FAM120C: variants seen among roughly 807,000 people sequenced by gnomAD.
FAM120C encodes the protein family with sequence similarity 120 member C.
Under a neutral mutation model 71.2 loss-of-function variants are expected in FAM120C, and 14 were observed. The ratio of observed to expected loss-of-function variants is 0.20; its 90% confidence interval spans 0.13 to 0.31. The LOEUF (loss-of-function observed/expected upper bound fraction) is 0.31. FAM120C is among the 10% of genes least tolerant of loss of function. FAM120C has a pLI of 1.00. For synonymous variants in FAM120C, 354 were observed against 353.2 expected, an observed-to-expected ratio of 1.00 and a Z score of -0.03; for missense variants, 500 against 879.0, an observed-to-expected ratio of 0.57 and a Z score of 5.45.
intron 4 of FAM120C, among the ~76,000 whole-genome samples, chrX:54,138,400 T>G (rs1226265866): frequency 9.8e-6 from 1 of 102,183 alleles, no homozygotes; most frequent in Non-Finnish European, 2.0e-5. Flanking sequence ...CTTGGGAGGC[T>G]GAGGTGGGAG....
At chrX:54,092,995 C>T (rs1264439337) in intron 10 of FAM120C, among the ~76,000 whole-genome samples, 1 of 111,895 alleles carries the variant, frequency 8.9e-6, no homozygotes, top group Non-Finnish European at 1.9e-5. Context: ...TGACTTAATA[C>T]ACAGAAAACA....
In FAM120C at chrX:54,116,814, G is replaced by C; in HGVS notation, c.2063-20C>G. 8.3e-7 allele frequency: 1 copy of C among 1,201,934 alleles called. No homozygotes were observed. Among genetic ancestry groups the C allele is most frequent in the East Asian group, 3.0e-5 (1 of 33,688 alleles). On this transcript the variant is annotated intron_variant, in intron 9 of 15. Coordinates refer to ENST00000375180, the MANE Select transcript of FAM120C (RefSeq NM_017848.6). Reference sequence around the variant, plus strand: ...AAGGAACTGGAAAACAGAAATTGAGGAAAAAGAGGCTCTAGAGAATCTCTC... The same window carrying C: ...AAGGAACTGGAAAACAGAAATTGAGCAAAAAGAGGCTCTAGAGAATCTCTC...
chrX:54,104,699 T>C (rs1557124553), intron 10 of FAM120C, among the ~76,000 whole-genome samples: 2 of 109,761 alleles, frequency 1.8e-5, no homozygotes, highest in Admixed American at 2.0e-4. Flanking sequence ...TCCCAGCTAC[T>C]TGGGAGGCTG....
At chrX:54,116,486 A>G (rs957306626) in intron 10 of FAM120C, 59 bp downstream of exon 10, 3 of 1,144,204 alleles carry the variant, frequency 2.6e-6, no homozygotes, top group Middle Eastern at 2.5e-4. Context: ...AGGTGCTTAA[A>G]GGAAATATAA....
intron 12 of FAM120C, among the ~76,000 whole-genome samples, chrX:54,086,682 G>T (rs180820250): frequency 5.0e-4 from 52 of 104,945 alleles, no homozygotes; most frequent in African/African-American, 1.8e-3. Context: ...TTGAACCTGG[G>T]AGGCGGAGGT....
intron 3 of FAM120C, among the ~76,000 whole-genome samples, chrX:54,152,933 T>C (rs1263753248): frequency 3.6e-5 from 4 of 111,495 alleles, no homozygotes; most frequent in Non-Finnish European, 5.6e-5. Context: ...CGGTGACCCA[T>C]GCCAGTAGTC....
intron 1 of FAM120C, among the ~76,000 whole-genome samples, chrX:54,173,370 T>C (rs1291560924): frequency 8.9e-6 from 1 of 112,141 alleles, no homozygotes; most frequent in African/African-American, 3.2e-5. Context: ...TGCCTCAGCC[T>C]CTCGAGTAGC....
At chrX:54,110,846 G>C (rs942693958) in intron 10 of FAM120C, among the ~76,000 whole-genome samples, 1 of 110,644 alleles carries the variant, frequency 9.0e-6, no homozygotes, top group Non-Finnish European at 1.9e-5. Context: ...GATCACTTGA[G>C]GTCAGGAGTT....
At chrX:54,162,410 C>T (rs1405317785) in intron 1 of FAM120C, among the ~76,000 whole-genome samples, 1 of 111,779 alleles carries the variant, frequency 8.9e-6, no homozygotes, top group Non-Finnish European at 1.9e-5. Context: ...CCCTCCTCTT[C>T]ACTCTTATAG....
intron 1 of FAM120C, among the ~76,000 whole-genome samples, chrX:54,175,747 G>A (rs782071251): frequency 4.5e-5 from 5 of 111,067 alleles, no homozygotes; most frequent in Non-Finnish European, 9.4e-5. Context: ...GATGTTCCAA[G>A]CATATTACTT....
intron 10 of FAM120C, among the ~76,000 whole-genome samples, chrX:54,104,997 C>T (rs2066899607): frequency 9.0e-6 from 1 of 111,163 alleles, no homozygotes; most frequent in African/African-American, 3.3e-5. Context: ...GAGCTGGTAC[C>T]ATTCCTTCTG....
chrX:54,131,542 G>A lies in FAM120C; in HGVS notation c.2062+1150C>T, dbSNP rs187489153. Among the ~76,000 whole-genome samples, 172 of 107,988 alleles carry A rather than the reference G, an allele frequency of 1.6e-3. 1 individual carries two copies. The East Asian group carries it at 0.021, about 13-fold the overall frequency. 93.8% of individuals were successfully genotyped at this position (107,988 alleles called of 115,157 possible). ...CAACCTCCGCCTCCTGAGTTCAAGCGATTCTCCTGCCTCAGTCTCCCAAGT... is the reference window on the plus strand; with the variant it reads ...CAACCTCCGCCTCCTGAGTTCAAGCAATTCTCCTGCCTCAGTCTCCCAAGT... On this transcript the variant is annotated intron_variant, in intron 9 of 15. Transcript: ENST00000375180.
Position 54,068,450 on chromosome X carries a change from C to T in FAM120C, c.*4583G>A, listed in dbSNP as rs2066695403. On this transcript the variant is annotated 3_prime_UTR_variant, in exon 16 of 16. Transcript: ENST00000375180. ...AACAACTCCTGAGGCATTCTCATTC[C>T]TTTCTGAAACTCTTCCATTAACTCC... 1 of 111,670 alleles carries T rather than the reference C, an allele frequency of 9.0e-6. No individual in the cohort carries two copies. Among genetic ancestry groups the T allele is most frequent in the African/African-American group, 3.3e-5 (1 of 30,723 alleles). 9.2% of individuals were successfully genotyped at this position (111,670 alleles called of 1,213,427 possible). A position where few individuals can be genotyped will look rare whatever the true frequency, so the allele number is the denominator to read the frequency against.
At chrX:54,094,765 T>C (rs1025000673) in intron 10 of FAM120C, among the ~76,000 whole-genome samples, 4 of 109,887 alleles carry the variant, frequency 3.6e-5, no homozygotes, top group African/African-American at 1.3e-4. Context: ...GGCATGGTGG[T>C]GCATGCCTGT....
chrX:54,145,327 A>G (rs1321907079), intron 4 of FAM120C, among the ~76,000 whole-genome samples: 2 of 111,887 alleles, frequency 1.8e-5, no homozygotes, highest in Non-Finnish European at 3.8e-5. Context: ...GGATCTAATT[A>G]AACTAAAGAG....
At chrX:54,108,490 A>G (rs2066918208) in intron 10 of FAM120C, among the ~76,000 whole-genome samples, 1 of 111,584 alleles carries the variant, frequency 9.0e-6, no homozygotes, top group South Asian at 3.7e-4. Context: ...ATAAGTCTCA[A>G]AAAAGAAAAG....
At chrX:54,174,227 T>C (rs144117836) in intron 1 of FAM120C, 59 of 503,638 alleles carry the variant, frequency 1.2e-4, no homozygotes, top group African/African-American at 1.2e-3. Context: ...CAGTTTTTTA[T>C]AACCTAATCT....
intron 4 of FAM120C, among the ~76,000 whole-genome samples, chrX:54,143,395 T>G (rs781850481): frequency 1.2e-3 from 135 of 109,434 alleles, no homozygotes; most frequent in African/African-American, 4.4e-3. Flanking sequence ...TTTGAAAAGA[T>G]CAACAAAATT....
intron 4 of FAM120C, among the ~76,000 whole-genome samples, chrX:54,150,133 C>T (rs782763341): frequency 1.4e-4 from 16 of 111,284 alleles, no homozygotes; most frequent in Non-Finnish European, 2.8e-4. Context: ...TGATTTATGA[C>T]GGGGTTATGT....
Sources: gnomAD v4.1 joint callset for allele counts (sites outside exome capture counted in the v4.1 genomes callset) on GRCh38, gnomAD v4.1.1 for gene constraint, MANE v1.5 for transcripts, NCBI Gene and HGNC (gene_info 2026-07-23, HGNC 2026-07-21) for gene names.